The following PDE1C variants were observed in gnomAD, a reference collection of about 807,000 sequenced individuals.
The protein encoded by PDE1C is phosphodiesterase 1C.
In PDE1C, 62 loss-of-function variants were observed where a neutral mutation model predicts 93.1. The ratio of observed to expected loss-of-function variants is 0.67; its 90% confidence interval spans 0.54 to 0.82. PDE1C has a LOEUF of 0.82. Among genes scored for constraint, PDE1C ranks in the 40% least tolerant of loss-of-function variants. The pLI, the probability that PDE1C is intolerant of heterozygous loss-of-function variation, is 0.00. For missense variants in PDE1C, 742 were observed against 884.6 expected (o/e 0.84, Z 2.04); for synonymous variants, 325 against 310.1 (o/e 1.05, Z -0.50).
intron 2 of PDE1C, among the ~76,000 whole-genome samples, chr7:32,022,053 C>G (rs746942858): frequency 2.6e-5 from 4 of 151,912 alleles, no homozygotes; most frequent in African/African-American, 7.3e-5. Context: ...TAGGAACCTA[C>G]AATGGCTCTT....
intron 2 of PDE1C, among the ~76,000 whole-genome samples, chr7:32,022,019 C>T (rs1788746929): frequency 6.6e-6 from 1 of 151,988 alleles, no homozygotes; most frequent in African/African-American, 2.4e-5. Context: ...TCATGTTTAA[C>T]TTAAGTACAT....
chr7:32,415,144 C>G (rs1241359704), intron 1 of PDE1C, among the ~76,000 whole-genome samples: 1 of 152,118 alleles, frequency 6.6e-6, no homozygotes, highest in Admixed American at 6.6e-5. Context: ...TAGCAAGACT[C>G]CTGTCTCTAC....
chr7:32,329,816 T>C (rs1783477069), intron 1 of PDE1C, among the ~76,000 whole-genome samples: 1 of 152,182 alleles, frequency 6.6e-6, no homozygotes, highest in African/African-American at 2.4e-5. Context: ...ATGTGGGGTT[T>C]TCTAATTATT....
chr7:31,982,626 T>A (rs975320476), intron 2 of PDE1C, among the ~76,000 whole-genome samples: 2 of 151,748 alleles, frequency 1.3e-5, no homozygotes, highest in Admixed American at 6.6e-5. Flanking sequence ...CCAAAACCAA[T>A]AGGTTTTGAA....
chr7:31,814,766 A>G (rs1244820595), intron 15 of PDE1C, among the ~76,000 whole-genome samples: 1 of 150,172 alleles, frequency 6.7e-6, no homozygotes, highest in Non-Finnish European at 1.5e-5. Flanking sequence ...TATCATGAGT[A>G]TTACTGAAGG....
intron 1 of PDE1C, among the ~76,000 whole-genome samples, chr7:32,254,340 G>A (rs973852113): frequency 6.6e-6 from 1 of 152,184 alleles, no homozygotes; most frequent in Non-Finnish European, 1.5e-5. Context: ...CACTGGAACT[G>A]ACAGGTCCAG....
intron 3 of PDE1C, among the ~76,000 whole-genome samples, chr7:32,106,876 G>C (rs1798340784): frequency 1.3e-5 from 2 of 151,246 alleles, no homozygotes; most frequent in African/African-American, 4.9e-5. Flanking sequence ...GCAATTATCA[G>C]ACAGGGAATT....
At chr7:32,159,056 G>T (rs1584876319) in intron 3 of PDE1C, among the ~76,000 whole-genome samples, 1 of 151,984 alleles carries the variant, frequency 6.6e-6, no homozygotes, top group South Asian at 2.1e-4. Context: ...CTGTTTTATG[G>T]TTATACCATA....
intron 3 of PDE1C, among the ~76,000 whole-genome samples, chr7:32,127,064 A>G (rs1799626795): frequency 6.6e-6 from 1 of 152,196 alleles, no homozygotes; most frequent in African/African-American, 2.4e-5. Flanking sequence ...GCCTGCACAG[A>G]ACAAAAAAGG....
rs188306393 is a variant in PDE1C, at chr7:31,933,669, G to C, written c.129-52809C>G. On this transcript the variant is annotated intron_variant, in intron 2 of 17. Transcript: ENST00000396191. ...GGGAGGTGTTTGGGTCATGGGGGCA[G>C]ATACCTTATGAATGACTTGGGCCAA... is the stretch of plus-strand genomic sequence containing the variant. Among the ~76,000 whole-genome samples the C allele has an allele frequency of 1.6e-4, 24 of 152,296 alleles. No individual in the cohort carries two copies. The East Asian group carries it at 4.6e-3, about 29-fold the overall frequency.
chr7:32,406,011 T>C (rs190905390), intron 1 of PDE1C, among the ~76,000 whole-genome samples: 2 of 152,272 alleles, frequency 1.3e-5, no homozygotes, highest in East Asian at 3.9e-4. Flanking sequence ...TTCATGTCCA[T>C]TACAGTCCTT....
At chr7:31,736,970 A>G in the PDE1C span, among the ~76,000 whole-genome samples, 8 of 151,936 alleles carry the variant, frequency 5.3e-5, no homozygotes, top group Non-Finnish European at 7.4e-5. Context: ...AAAACAAAAC[A>G]AAACAGAGTC....
At chr7:32,179,502 G>A (rs7791490) in intron 2 of PDE1C, among the ~76,000 whole-genome samples, 9,155 of 152,044 alleles carry the variant, frequency 0.06, 341 homozygotes, top group Non-Finnish European at 0.081. Flanking sequence ...CTCGTGATCC[G>A]CCTGCCTCGG....
chr7:31,705,986 ATTTTTTTTTTTTTTT>A, the PDE1C span, among the ~76,000 whole-genome samples: 56 of 52,510 alleles, frequency 1.1e-3, 1 homozygote, highest in East Asian at 4.0e-3. Context: ...CAGACCAGTA[ATTTTTTTTTTTTTTT>A]TTTTTTTTTT....
intron 2 of PDE1C, among the ~76,000 whole-genome samples, chr7:31,905,280 T>C (rs1319795953): frequency 6.6e-6 from 1 of 152,164 alleles, no homozygotes; most frequent in East Asian, 1.9e-4. Context: ...ATAGATTATT[T>C]AAGTATCATC....
At chr7:31,756,482 A>G (rs536618968) in intron 17 of PDE1C, among the ~76,000 whole-genome samples, 1 of 152,324 alleles carries the variant, frequency 6.6e-6, no homozygotes, top group Admixed American at 6.5e-5. Context: ...AAGTCTAAGG[A>G]AAGTTGATGA....
At chr7:32,426,174 TG>T (rs1785526894) in intron 1 of PDE1C, among the ~76,000 whole-genome samples, 2 of 152,182 alleles carry the variant, frequency 1.3e-5, no homozygotes, top group Admixed American at 1.3e-4. Context: ...TCCTTGATAA[TG>T]CCTTACTCTT....
rs187312813 is a variant in PDE1C, at chr7:31,798,543, G to A, written c.1891+10488C>T. ...GTGTAGTGACGCAACATAAACTAGA[G>A]TAGAAGTCTGAACAAAAATGGTCAC... is the stretch of plus-strand genomic sequence containing the variant. On this transcript the variant is annotated intron_variant, in intron 16 of 17. Transcript: ENST00000396191. 6.6e-5 allele frequency among the ~76,000 whole-genome samples: 10 copies of A among 151,868 alleles called. No homozygotes were observed. The East Asian group carries it at 1.9e-3, about 30-fold the overall frequency.
chr7:31,826,162 C>T (rs1376147672), intron 12 of PDE1C, among the ~76,000 whole-genome samples: 1 of 152,106 alleles, frequency 6.6e-6, no homozygotes, highest in Non-Finnish European at 1.5e-5. Flanking sequence ...TAAATATCAA[C>T]CAGAGGAAAT....
Sources: gnomAD v4.1 joint callset for allele counts (sites outside exome capture counted in the v4.1 genomes callset) on GRCh38, gnomAD v4.1.1 for gene constraint, MANE v1.5 for transcripts, NCBI Gene and HGNC (gene_info 2026-07-23, HGNC 2026-07-21) for gene names.